Variants in CAMK2B observed in about 807,000 individuals in gnomAD.
CAMK2B encodes the protein calcium/calmodulin-dependent protein kinase type II subunit beta.
A neutral mutation model predicts 93.7 loss-of-function variants in CAMK2B; 27 were observed. That is an observed-to-expected ratio of 0.29 (90% CI 0.21 to 0.40). The LOEUF (loss-of-function observed/expected upper bound fraction) is 0.40, where lower values mean the gene tolerates loss of function less well. Among genes scored for constraint, CAMK2B ranks in the 10% least tolerant of loss-of-function variants. The pLI, the probability that CAMK2B is intolerant of heterozygous loss-of-function variation, is 1.00. For missense variants in CAMK2B, 568 were observed against 895.8 expected (o/e 0.63, Z 4.67); for synonymous variants, 374 against 358.8 (o/e 1.04, Z -0.48).
In CAMK2B at chr7:44,218,189, A is replaced by C. The variant is rs541851779; in HGVS notation, c.*1336T>G. The C allele has an allele frequency of 5.7e-4, 87 of 153,132 alleles. No homozygotes were observed. The highest frequency in any genetic ancestry group is 7.4e-4 in the Non-Finnish European group (51 of 68,710). The allele number at this position is 153,132 out of a possible 1,614,324, so 9.5% of individuals were successfully genotyped here. ...TGCCCTCACGCCTCCCATGTGCCCT[A>C]GGCTGGCTCCCACTGTAGCTTTTGC... On this transcript the variant is annotated 3_prime_UTR_variant, in exon 24 of 24. Transcript: ENST00000395749.
At chr7:44,269,961 T>A (rs1312469066) in intron 2 of CAMK2B, among the ~76,000 whole-genome samples, 1 of 152,064 alleles carries the variant, frequency 6.6e-6, no homozygotes, top group African/African-American at 2.4e-5. Context: ...CTGGGCCTCA[T>A]CTGGAAGATG....
chr7:44,234,726 G>C lies in CAMK2B; in HGVS notation c.1022-50C>G, dbSNP rs1053233189. On this transcript the variant is annotated intron_variant, in intron 13 of 23. Transcript: ENST00000395749. ...ATGGTGAGTGATGGGCCTGGGTCTC[G>C]CTGCAGCGCAACCCCACCCCTTTGC... 16 of 1,590,220 alleles carry C rather than the reference G, an allele frequency of 1.0e-5. No homozygotes were observed. The South Asian group carries it at 1.2e-4, about 12-fold the overall frequency.
chr7:44,281,133 G>A (rs563949995), intron 2 of CAMK2B, among the ~76,000 whole-genome samples: 4 of 152,336 alleles, frequency 2.6e-5, no homozygotes, highest in East Asian at 3.9e-4. Flanking sequence ...GCAACCACGC[G>A]GGAGGCGCTG....
chr7:44,242,677 C>T, intron 8 of CAMK2B, 23 bp from the exon 9 acceptor site: 1 of 1,548,632 alleles, frequency 6.5e-7, no homozygotes, highest in Non-Finnish European at 8.9e-7. Flanking sequence ...CCTGTGAGCA[C>T]CGCAGCCACT....
At position 44,234,699 on chromosome 7, in the gene CAMK2B, G is replaced by A. The variant is rs368429569; in HGVS notation, c.1022-23C>T. 34 of 1,613,576 alleles carry A rather than the reference G, an allele frequency of 2.1e-5. No homozygotes were observed. In the African/African-American group the frequency reaches 4.3e-4, roughly 20 times the overall value. ...TGGCTGCTGCATGGGGAGGAAGAAG[G>A]TATGGTGAGTGATGGGCCTGGGTCT... On this transcript the variant is annotated intron_variant, in intron 13 of 23. Coordinates refer to ENST00000395749, the MANE Select transcript of CAMK2B (RefSeq NM_001220.5).
chr7:44,225,736 G>C lies in CAMK2B; in HGVS notation c.1597+780C>G. ...CCTGCAGAGGGGACGGTGGCAAGCA[G>C]ACCCCACCTGTCCCTCAAGTACTTA... On this transcript the variant is annotated intron_variant, in intron 20 of 23. Coordinates refer to ENST00000395749, the MANE Select transcript of CAMK2B (RefSeq NM_001220.5). The surrounding 1 kb of genome is among the most constrained non-coding windows in gnomAD (Gnocchi z 5.0). 2 of 1,289,278 alleles carry C rather than the reference G, an allele frequency of 1.6e-6. No individual in the cohort carries two copies. The highest frequency in any genetic ancestry group is 2.0e-6 in the Non-Finnish European group (2 of 988,686). The allele number at this position is 1,289,278 out of a possible 1,614,324, so 79.9% of individuals were successfully genotyped here.
chr7:44,297,522 C>A (rs1414771610), intron 1 of CAMK2B, among the ~76,000 whole-genome samples: 1 of 152,110 alleles, frequency 6.6e-6, no homozygotes, highest in East Asian at 1.9e-4. Context: ...GTCAATGGCT[C>A]TATATACACA....
At chr7:44,319,629 G>A (rs373460231) in intron 1 of CAMK2B, among the ~76,000 whole-genome samples, 12 of 152,234 alleles carry the variant, frequency 7.9e-5, no homozygotes, top group East Asian at 3.9e-4. Flanking sequence ...GCAGCTGGTC[G>A]TGCTGAGAAC....
Position 44,224,255 on chromosome 7 carries a change from CCCAG to C in CAMK2B, c.1597+2257_1597+2260del, listed in dbSNP as rs2096448332. Among the ~76,000 whole-genome samples, 1 of 136,398 alleles carries C rather than the reference CCCAG, an allele frequency of 7.3e-6. No individual in the cohort carries two copies. The highest frequency in any genetic ancestry group is 2.3e-4 in the East Asian group (1 of 4,348). 89.5% of individuals were successfully genotyped at this position (136,398 alleles called of 152,430 possible). On this transcript the variant is annotated intron_variant, in intron 20 of 23. Coordinates refer to ENST00000395749, the MANE Select transcript of CAMK2B (RefSeq NM_001220.5). The surrounding 1 kb of genome is among the most constrained non-coding windows in gnomAD (Gnocchi z 4.4). ...CCCTGCGGAATGGCGCTGCCCAGAC[CCCAG>C]CTCAACCCAGCCCCCACTCTGCCTC...
chr7:44,258,327 ACATT>A (rs2096851597), intron 4 of CAMK2B, among the ~76,000 whole-genome samples: 1 of 152,220 alleles, frequency 6.6e-6, no homozygotes, highest in Non-Finnish European at 1.5e-5. Context: ...GCTCACTCAT[ACATT>A]CACACAATAC....
rs550603160 is a variant in CAMK2B, at chr7:44,314,805, G to A, written c.65+10552C>T. 2.3e-4 allele frequency among the ~76,000 whole-genome samples: 35 copies of A among 152,298 alleles called. 1 individual carries two copies. In the South Asian group the frequency reaches 4.8e-3, roughly 21 times the overall value. On this transcript the variant is annotated intron_variant, in intron 1 of 23. Transcript: ENST00000395749. The stretch of plus-strand genomic sequence containing the variant: ...ATCCTAGTAAGAGTGAAATGGCATC[G>A]CATGATGGTTTTGAATTGCATTTCC...
Position 44,258,883 on chromosome 7 carries a change from C to T in CAMK2B, c.264G>A (p.Leu88=). 1.2e-6 allele frequency: 2 copies of T among 1,613,972 alleles called. No homozygotes were observed. The highest frequency in any genetic ancestry group is 1.7e-6 in the Non-Finnish European group (2 of 1,179,936). ...GCTCTGGAACTTACAGATCGAAGAC[C>T]AGGTAGTGGAAGCCCTCCTCGGAGA... ...DSISEEGFHY[L]VFDLVTGGEL... is the part of the protein sequence containing the mutation. The change falls in exon 4 of 24, where the codon CTG becomes CTA. Residue 88 remains leucine (L), a synonymous_variant. Coordinates refer to ENST00000395749, the MANE Select transcript of CAMK2B (RefSeq NM_001220.5).
At chr7:44,297,840 C>T (rs1397096580) in intron 1 of CAMK2B, among the ~76,000 whole-genome samples, 1 of 152,172 alleles carries the variant, frequency 6.6e-6, no homozygotes, top group Non-Finnish European at 1.5e-5. Flanking sequence ...TAATATAAAA[C>T]TGGCCGGATG....
At chr7:44,264,464 C>G (rs568270183) in intron 2 of CAMK2B, among the ~76,000 whole-genome samples, 3 of 152,296 alleles carry the variant, frequency 2.0e-5, no homozygotes, top group East Asian at 1.9e-4. Context: ...CTGGCTCCCC[C>G]CTCCCAGGAC....
intron 1 of CAMK2B, among the ~76,000 whole-genome samples, chr7:44,289,810 G>A (rs562878664): frequency 3.1e-4 from 47 of 152,340 alleles, no homozygotes; most frequent in Middle Eastern, 3.4e-3. Context: ...GCAGGGCAGC[G>A]CTGGGCCACG....
Position 44,241,780 on chromosome 7 carries a change from G to A in CAMK2B, c.823C>T (p.Arg275Cys), listed in dbSNP as rs1487965817. ...TGCATCATGGATGCTACCGTGGAGC[G>A]TTGCTGTGGGGAAATGGGTGGTCAT... The part of the protein sequence containing the change: ...EALKHPWVCQ[R>C]STVASMMHRQ... Residue 275 changes from arginine (R) to cysteine (C), a missense_variant, in exon 11 of 24, where the codon CGC (arginine) becomes TGC (cysteine). This residue lies in a region of CAMK2B where 105 missense variants were observed against 372.4 expected (regional missense o/e 0.28). Coordinates refer to ENST00000395749, the MANE Select transcript of CAMK2B (RefSeq NM_001220.5). 6.2e-7 allele frequency: 1 copy of A among 1,612,658 alleles called. No individual in the cohort carries two copies. Among genetic ancestry groups the A allele is most frequent in the Non-Finnish European group, 8.5e-7 (1 of 1,179,070 alleles).
chr7:44,276,335 CCT>C (rs2097040184), intron 2 of CAMK2B, among the ~76,000 whole-genome samples: 1 of 152,182 alleles, frequency 6.6e-6, no homozygotes, highest in African/African-American at 2.4e-5. Flanking sequence ...TCATTATCCC[CCT>C]GAGCAGGGGT....
At chr7:44,324,811 G>A (rs1176212218) in intron 1 of CAMK2B, among the ~76,000 whole-genome samples, 1 of 152,144 alleles carries the variant, frequency 6.6e-6, no homozygotes, top group Non-Finnish European at 1.5e-5. Flanking sequence ...TTCCCCAGGG[G>A]ACCTACAGCA....
intron 23 of CAMK2B, 93 bp from the exon 24 acceptor site, chr7:44,219,615 T>G: frequency 5.7e-6 from 1 of 175,204 alleles, no homozygotes; most frequent in Admixed American, 6.0e-5. Context: ...GCAGAGAGGG[T>G]TAAAGTCCAG....
Sources: allele counts gnomAD v4.1 joint callset (sites outside exome capture counted in the v4.1 genomes callset), GRCh38; gene constraint gnomAD v4.1.1; regional missense constraint gnomAD v4.1.1; non-coding constraint Gnocchi (gnomAD v3.1); transcripts MANE v1.5; gene names NCBI Gene and HGNC (gene_info 2026-07-23, HGNC 2026-07-21).